The following TRIO variants were observed in gnomAD, a reference collection of about 807,000 sequenced individuals.
The protein encoded by TRIO is triple functional domain protein.
In TRIO, 58 loss-of-function variants were observed where a neutral mutation model predicts 351.9. The ratio of observed to expected loss-of-function variants is 0.16; its 90% CI spans 0.13 to 0.21. The LOEUF (loss-of-function observed/expected upper bound fraction) is 0.21, where lower values mean the gene tolerates loss of function less well. TRIO is among the 10% of genes least tolerant of loss of function. The probability of loss-of-function intolerance (pLI) is 1.00; values close to 1 mark genes in which losing one functional copy is unlikely to be tolerated. For missense variants in TRIO, 3,201 were observed against 4,027.8 expected (o/e 0.79, Z 5.56); for synonymous variants, 1,758 against 1,595.7 (o/e 1.10, Z -2.42).
At chr5:14,448,343 G>C (rs1752589721) in intron 34 of TRIO, among the ~76,000 whole-genome samples, 1 of 152,230 alleles carries the variant, frequency 6.6e-6, no homozygotes, top group South Asian at 2.1e-4. Context: ...TGCCTGCCTG[G>C]GGCGGGGGCT....
At chr5:14,260,013 G>A (rs1214627172) in intron 1 of TRIO, among the ~76,000 whole-genome samples, 1 of 152,150 alleles carries the variant, frequency 6.6e-6, no homozygotes, top group African/African-American at 2.4e-5. Context: ...AGTAACTTAG[G>A]CAAGGCAGTT....
At chr5:14,155,947 AT>A (rs1281476644) in intron 1 of TRIO, among the ~76,000 whole-genome samples, 8 of 151,812 alleles carry the variant, frequency 5.3e-5, no homozygotes, top group Non-Finnish European at 1.2e-4. Flanking sequence ...CGAAATGTTG[AT>A]TTTTTTTCTA....
intron 4 of TRIO, 122 bp from the exon 5 acceptor site, chr5:14,290,594 A>G: frequency 9.8e-7 from 1 of 1,023,342 alleles, no homozygotes; most frequent in Non-Finnish European, 1.4e-6. Flanking sequence ...CAGGTATGTT[A>G]TGTTTTCTAT....
intron 1 of TRIO, among the ~76,000 whole-genome samples, chr5:14,239,202 A>G (rs1279117290): frequency 1.3e-5 from 2 of 152,282 alleles, no homozygotes; most frequent in Admixed American, 6.5e-5. Flanking sequence ...GTTATGCTAA[A>G]ATACTTCTTT....
chr5:14,311,950 C>T (rs968623373), intron 8 of TRIO, among the ~76,000 whole-genome samples: 2 of 152,104 alleles, frequency 1.3e-5, no homozygotes, highest in Admixed American at 6.5e-5. Context: ...TAAAACACTG[C>T]GTTTGGACCT....
intron 19 of TRIO, among the ~76,000 whole-genome samples, chr5:14,376,540 C>G (rs1745573351): frequency 6.6e-6 from 1 of 152,190 alleles, no homozygotes; most frequent in African/African-American, 2.4e-5. Flanking sequence ...TTGCATCTTT[C>G]ACTTAATAAT....
In TRIO at chr5:14,406,008, A is replaced by T. The variant is rs768370417; in HGVS notation, c.4859+18A>T. On this transcript the variant is annotated intron_variant, in intron 32 of 56. Coordinates refer to ENST00000344204, the MANE Select transcript of TRIO (RefSeq NM_007118.4). ...GGAAGGAGGTGCGTGTCTGGGCGCCACTGGAGGTTTGTGGATGTGGGAGGG... is the reference window on the plus strand; with the variant it reads ...GGAAGGAGGTGCGTGTCTGGGCGCCTCTGGAGGTTTGTGGATGTGGGAGGG... The T allele has an allele frequency of 6.2e-7, 1 of 1,609,448 alleles. No homozygotes were observed.
At chr5:14,332,763 G>A (rs761779259) in intron 10 of TRIO, among the ~76,000 whole-genome samples, 11 of 152,030 alleles carry the variant, frequency 7.2e-5, no homozygotes, top group Non-Finnish European at 1.3e-4. Context: ...TTCATCTCTC[G>A]GAGCCTCGGT....
chr5:14,333,230 A>G (rs1741072420), intron 10 of TRIO, among the ~76,000 whole-genome samples: 1 of 152,126 alleles, frequency 6.6e-6, no homozygotes, highest in Non-Finnish European at 1.5e-5. Flanking sequence ...AGACATAGAT[A>G]GTTGTCTGTG....
intron 48 of TRIO, chr5:14,489,238 G>C: frequency 1.9e-6 from 1 of 515,384 alleles, no homozygotes; most frequent in Non-Finnish European, 3.4e-6. Flanking sequence ...GGTTTGACTT[G>C]GTCTTATCCT....
In TRIO at chr5:14,358,127, C is replaced by G. The variant is rs1465703977; in HGVS notation, c.2047-51C>G. 4 of 1,573,966 alleles carry G rather than the reference C, an allele frequency of 2.5e-6. No homozygotes were observed. In the African/African-American group the frequency reaches 4.0e-5, roughly 16 times the overall value. On this transcript the variant is annotated intron_variant, in intron 11 of 56. Transcript: ENST00000344204. ...GCCCCTTGGACACCGGGCGGCCCAC[C>G]TGGTGGTGCAGCCAGGCCGGCCGGC...
chr5:14,403,178 C>CAGGTTGTGGTGGTGAGGGTTGT (rs1748266971), intron 31 of TRIO, among the ~76,000 whole-genome samples: 2 of 63,120 alleles, frequency 3.2e-5, no homozygotes. Flanking sequence ...GGTGAGGGTG[C>CAGGTTGTGGTGGTGAGGGTTGT]AGGTTGTGGT....
chr5:14,342,874 G>A (rs1161673785), intron 11 of TRIO, among the ~76,000 whole-genome samples: 1 of 152,154 alleles, frequency 6.6e-6, no homozygotes, highest in Non-Finnish European at 1.5e-5. Context: ...AAAATTCACA[G>A]GCTGAACCGT....
At chr5:14,421,932 C>G (rs565104263) in intron 34 of TRIO, among the ~76,000 whole-genome samples, 2 of 152,222 alleles carry the variant, frequency 1.3e-5, no homozygotes, top group Non-Finnish European at 2.9e-5. Flanking sequence ...CCAGGCTTGC[C>G]TCTGCTCAGC....
intron 1 of TRIO, chr5:14,183,735 C>G (rs73748679): frequency 6.4e-6 from 3 of 471,142 alleles, no homozygotes; most frequent in Admixed American, 3.4e-5. Flanking sequence ...CTGCCCCTCC[C>G]GTTTGCTGAG....
chr5:14,194,110 T>C (rs369274369), intron 1 of TRIO, among the ~76,000 whole-genome samples: 2 of 152,354 alleles, frequency 1.3e-5, no homozygotes, highest in East Asian at 1.9e-4. Flanking sequence ...AAATGTTGAA[T>C]ATCCCTGCAT....
At chr5:14,188,263 A>G (rs1790243141) in intron 1 of TRIO, among the ~76,000 whole-genome samples, 1 of 152,226 alleles carries the variant, frequency 6.6e-6, no homozygotes, top group Non-Finnish European at 1.5e-5. Context: ...ACTGTCCTTG[A>G]GTGCCAATGC....
chr5:14,362,831 A>G (rs1186290089), intron 13 of TRIO, among the ~76,000 whole-genome samples: 1 of 152,136 alleles, frequency 6.6e-6, no homozygotes, highest in Admixed American at 6.5e-5. Context: ...ACAGTTTACT[A>G]TGCGCTGATG....
At chr5:14,174,314 C>T (rs1324016823) in intron 1 of TRIO, among the ~76,000 whole-genome samples, 1 of 152,138 alleles carries the variant, frequency 6.6e-6, no homozygotes, top group African/African-American at 2.4e-5. Flanking sequence ...TGAGCTAACC[C>T]GAGGGAAGGT....
Sources: gnomAD v4.1 joint callset for allele counts (sites outside exome capture counted in the v4.1 genomes callset) on GRCh38, gnomAD v4.1.1 for gene constraint, MANE v1.5 for transcripts, NCBI Gene and HGNC (gene_info 2026-07-23, HGNC 2026-07-21) for gene names.